Variants in RBMS3 observed in about 807,000 individuals in gnomAD.
RBMS3 encodes the protein RNA-binding motif, single-stranded-interacting protein 3.
A neutral mutation model predicts 66.8 loss-of-function variants in RBMS3; 27 were observed. The observed-to-expected ratio is 0.40, with a 90% CI of 0.30 to 0.56. The LOEUF is 0.56. Ranked by LOEUF, RBMS3 falls within the 20% of genes least tolerant of loss-of-function variation. The pLI, the probability that RBMS3 is intolerant of heterozygous loss-of-function variation, is 0.40. For synonymous variants in RBMS3, 188 were observed against 183.0 expected (o/e 1.03, Z -0.22); for missense variants, 513 against 549.5 (o/e 0.93, Z 0.66).
intron 3 of RBMS3, among the ~76,000 whole-genome samples, chr3:29,514,625 T>C (rs1213550852): frequency 7.5e-6 from 1 of 132,526 alleles, no homozygotes; most frequent in Non-Finnish European, 1.6e-5. Context: ...GAGAGATAGG[T>C]GCATATATAT....
chr3:29,357,645 A>G (rs551051880), intron 1 of RBMS3, among the ~76,000 whole-genome samples: 12 of 152,314 alleles, frequency 7.9e-5, no homozygotes, highest in Non-Finnish European at 1.8e-4. Context: ...CAATGGTTGA[A>G]CTAGTTTACA....
At chr3:29,409,244 C>G (rs1006248822) in intron 1 of RBMS3, among the ~76,000 whole-genome samples, 2 of 152,166 alleles carry the variant, frequency 1.3e-5, no homozygotes, top group Non-Finnish European at 2.9e-5. Context: ...GGCCTCTGCT[C>G]CACGTGGTAC....
chr3:29,284,920 G>T (rs2032166400), intron 1 of RBMS3, among the ~76,000 whole-genome samples: 2 of 125,218 alleles, frequency 1.6e-5, no homozygotes, highest in Non-Finnish European at 1.6e-5. Flanking sequence ...ACATTACTTC[G>T]CTTAAGGAAT....
At chr3:29,520,406 A>G (rs530335673) in intron 3 of RBMS3, among the ~76,000 whole-genome samples, 1 of 152,314 alleles carries the variant, frequency 6.6e-6, no homozygotes, top group East Asian at 1.9e-4. Flanking sequence ...TGGGGCTTGC[A>G]CTACATTTCT....
At chr3:29,582,881 A>AT (rs1198618795) in intron 3 of RBMS3, among the ~76,000 whole-genome samples, 2 of 152,084 alleles carry the variant, frequency 1.3e-5, no homozygotes, top group Non-Finnish European at 2.9e-5. Context: ...GAATGGGAGT[A>AT]TTTTTCAGGG....
chr3:29,899,848 T>A (rs1384087515), intron 10 of RBMS3, 93 bp downstream of exon 10: 1 of 1,280,148 alleles, frequency 7.8e-7, no homozygotes, highest in African/African-American at 1.5e-5. Context: ...GCTTTTGTTA[T>A]AATATGTAAC....
chr3:29,930,281 T>A (rs1474088474), intron 10 of RBMS3, among the ~76,000 whole-genome samples: 2 of 151,068 alleles, frequency 1.3e-5, no homozygotes, highest in Admixed American at 1.3e-4. Flanking sequence ...CTGGCTAATT[T>A]TTTCTATTTT....
chr3:29,654,458 A>G (rs1413607786), intron 4 of RBMS3, among the ~76,000 whole-genome samples: 1 of 151,956 alleles, frequency 6.6e-6, no homozygotes, highest in Non-Finnish European at 1.5e-5. Context: ...ATGCAGAAAT[A>G]TGGAACTGGT....
At chr3:29,763,804 G>T (rs1279664527) in intron 6 of RBMS3, among the ~76,000 whole-genome samples, 1 of 152,018 alleles carries the variant, frequency 6.6e-6, no homozygotes, top group African/African-American at 2.4e-5. Flanking sequence ...ACAATGGAAT[G>T]AAGTATTAAA....
chr3:29,654,253 T>C (rs1484863896), intron 4 of RBMS3, among the ~76,000 whole-genome samples: 1 of 152,154 alleles, frequency 6.6e-6, no homozygotes, highest in East Asian at 1.9e-4. Flanking sequence ...TGGAATATAG[T>C]AGGGAGAGAT....
intron 4 of RBMS3, among the ~76,000 whole-genome samples, chr3:29,594,457 T>C (rs971591252): frequency 1.3e-5 from 2 of 152,200 alleles, no homozygotes; most frequent in Non-Finnish European, 2.9e-5. Context: ...ATGTTGCTTT[T>C]AACATAGTTC....
At chr3:29,853,423 C>CTTTTCTTTTTTTT (rs2058987482) in intron 6 of RBMS3, among the ~76,000 whole-genome samples, 1 of 84,526 alleles carries the variant, frequency 1.2e-5, no homozygotes, top group African/African-American at 5.4e-5. Flanking sequence ...AATTTACTTT[C>CTTTTCTTTTTTTT]TTTTTTTTTT....
chr3:29,895,667 G>A (rs1374427438), intron 8 of RBMS3, among the ~76,000 whole-genome samples: 5 of 151,352 alleles, frequency 3.3e-5, no homozygotes. Flanking sequence ...TCCAGTTTGG[G>A]GCAAGCATGA....
At chr3:29,936,578 A>T (rs2061270503) in intron 11 of RBMS3, among the ~76,000 whole-genome samples, 2 of 152,244 alleles carry the variant, frequency 1.3e-5, no homozygotes, top group East Asian at 3.9e-4. Context: ...TATTATTAGC[A>T]GGTTATACAC....
chr3:29,624,523 T>C (rs1351539785), intron 4 of RBMS3, among the ~76,000 whole-genome samples: 1 of 152,202 alleles, frequency 6.6e-6, no homozygotes, highest in Non-Finnish European at 1.5e-5. Flanking sequence ...GGCCAGATTC[T>C]ATCTCTGACT....
chr3:29,824,639 T>C (rs2058158913), intron 6 of RBMS3, among the ~76,000 whole-genome samples: 1 of 152,188 alleles, frequency 6.6e-6, no homozygotes, highest in Non-Finnish European at 1.5e-5. Context: ...GCATTAGAAA[T>C]TTTATCTCTG....
chr3:29,513,411 T>A lies in RBMS3; in HGVS notation c.307+24912T>A, dbSNP rs929949554. Reference sequence around the variant, plus strand: ...ATCCTTTTATTTCCTCTGTGAACGATATCTCTGCAACTGAGATGAACCATT... The same window carrying A: ...ATCCTTTTATTTCCTCTGTGAACGAAATCTCTGCAACTGAGATGAACCATT... On this transcript the variant is annotated intron_variant, in intron 3 of 14. Coordinates refer to ENST00000383767, the MANE Select transcript of RBMS3 (RefSeq NM_001003793.3). Among the ~76,000 whole-genome samples, 4 of 152,304 alleles carry A rather than the reference T, an allele frequency of 2.6e-5. No homozygotes were observed. The East Asian group carries it at 7.7e-4, about 29-fold the overall frequency.
At chr3:29,825,183 C>T (rs1326079227) in intron 6 of RBMS3, among the ~76,000 whole-genome samples, 5 of 151,670 alleles carry the variant, frequency 3.3e-5, no homozygotes, top group African/African-American at 1.2e-4. Context: ...TTACATGCAC[C>T]CACCACCACA....
chr3:29,951,636 C>G (rs1695687967), intron 12 of RBMS3, among the ~76,000 whole-genome samples: 1 of 151,648 alleles, frequency 6.6e-6, no homozygotes, highest in Admixed American at 6.6e-5. Flanking sequence ...TGTGTTAGGA[C>G]TTTTTGAAGT....
Sources: gnomAD v4.1 joint callset for allele counts (sites outside exome capture counted in the v4.1 genomes callset) on GRCh38, gnomAD v4.1.1 for gene constraint, MANE v1.5 for transcripts, NCBI Gene and HGNC (gene_info 2026-07-23, HGNC 2026-07-21) for gene names.